Variants in R3HCC1L observed in about 807,000 individuals in gnomAD.
R3HCC1L encodes coiled-coil domain-containing protein R3HCC1L.
R3HCC1L carries 51 observed loss-of-function variants against 59.9 expected under a neutral mutation model. The observed-to-expected ratio is 0.85, with a 90% CI of 0.68 to 1.07. R3HCC1L has a LOEUF of 1.07. R3HCC1L is among the 50% of genes least tolerant of loss of function. The pLI, the probability that R3HCC1L is intolerant of heterozygous loss-of-function variation, is 0.00. For missense variants in R3HCC1L, 965 were observed against 933.0 expected (o/e 1.03, Z -0.45); for synonymous variants, 322 against 315.2 (o/e 1.02, Z -0.23).
At chr10:98,222,503 A>T (rs1242475119) in intron 5 of R3HCC1L, among the ~76,000 whole-genome samples, 1 of 151,896 alleles carries the variant, frequency 6.6e-6, no homozygotes, top group East Asian at 1.9e-4. Flanking sequence ...TCAGTATGAT[A>T]TTGGCTGTGG....
At chr10:98,221,039 T>C (rs1188902590) in intron 5 of R3HCC1L, among the ~76,000 whole-genome samples, 3 of 149,300 alleles carry the variant, frequency 2.0e-5, no homozygotes, top group African/African-American at 7.4e-5. Flanking sequence ...CTCCAGCACC[T>C]GTTGTTTCCT....
intron 5 of R3HCC1L, among the ~76,000 whole-genome samples, 172 bp downstream of exon 5, chr10:98,210,071 T>C (rs1853391094): frequency 6.6e-6 from 1 of 152,132 alleles, no homozygotes; most frequent in African/African-American, 2.4e-5. Context: ...AAATAAAATA[T>C]ACAGAATTGA....
intron 7 of R3HCC1L, among the ~76,000 whole-genome samples, chr10:98,235,196 A>G (rs948857352): frequency 4.6e-5 from 7 of 152,208 alleles, no homozygotes; most frequent in African/African-American, 1.7e-4. Context: ...TAATAAAATT[A>G]CTTTGTAAAT....
In R3HCC1L at chr10:98,235,416, T is replaced by C; in HGVS notation, c.2033-9T>C. ...CATGTCTTCTGCTTCCTTTTATTCC[T>C]CTTTGCAGCTCGTGATGCGTTGGGT... On this transcript the variant is annotated splice_polypyrimidine_tract_variant and intron_variant, in intron 7 of 9. Transcript: ENST00000298999. 6.2e-7 allele frequency: 1 copy of C among 1,611,224 alleles called. No individual in the cohort carries two copies. Among genetic ancestry groups the C allele is most frequent in the Non-Finnish European group, 8.5e-7 (1 of 1,177,692 alleles).
chr10:98,194,472 G>A (rs1477605920), intron 4 of R3HCC1L, among the ~76,000 whole-genome samples: 1 of 151,948 alleles, frequency 6.6e-6, no homozygotes, highest in Non-Finnish European at 1.5e-5. Flanking sequence ...AACTAAAAAT[G>A]TAAAAAACAT....
intron 4 of R3HCC1L, among the ~76,000 whole-genome samples, chr10:98,171,935 A>T (rs988342567): frequency 6.6e-6 from 1 of 152,204 alleles, no homozygotes; most frequent in African/African-American, 2.4e-5. Context: ...GCAGGCAAGG[A>T]TTAGTACTTA....
chr10:98,190,995 T>A (rs770580292), intron 4 of R3HCC1L, among the ~76,000 whole-genome samples: 4 of 152,146 alleles, frequency 2.6e-5, no homozygotes, highest in Non-Finnish European at 5.9e-5. Flanking sequence ...ATCCTTTTTT[T>A]CGGCTGCATA....
intron 9 of R3HCC1L, among the ~76,000 whole-genome samples, chr10:98,241,387 A>G (rs1035952227): frequency 6.6e-6 from 1 of 152,176 alleles, no homozygotes; most frequent in African/African-American, 2.4e-5. Flanking sequence ...TCTCTTATGT[A>G]AAGTCTTGAC....
Position 98,134,716 on chromosome 10 carries a change from AG to A in R3HCC1L, c.-268+11del, listed in dbSNP as rs1844354754. 1.3e-5 allele frequency: 2 copies of A among 152,396 alleles called. No homozygotes were observed. Among genetic ancestry groups the A allele is most frequent in the African/African-American group, 4.8e-5 (2 of 41,598 alleles). The allele number at this position is 152,396 out of a possible 1,614,324, so 9.4% of individuals were successfully genotyped here. On this transcript the variant is annotated intron_variant, in intron 1 of 9. Coordinates refer to ENST00000298999, the MANE Select transcript of R3HCC1L (RefSeq NM_001351015.2). ...GAGCAACAGCGCGCCGGTAACAACCAGCCCCGTATCCCCTCCCTCTGTACCT... is the reference window on the plus strand; with the variant it reads ...GAGCAACAGCGCGCCGGTAACAACCACCCCGTATCCCCTCCCTCTGTACCT...
At chr10:98,243,000 A>G (rs973004397) in intron 9 of R3HCC1L, among the ~76,000 whole-genome samples, 12 of 152,210 alleles carry the variant, frequency 7.9e-5, no homozygotes, top group Non-Finnish European at 1.0e-4. Context: ...CTTTGCTGCT[A>G]TATTCAGATA....
At chr10:98,156,764 G>A (rs1466622684) in intron 2 of R3HCC1L, among the ~76,000 whole-genome samples, 2 of 152,216 alleles carry the variant, frequency 1.3e-5, no homozygotes, top group African/African-American at 4.8e-5. Flanking sequence ...CTGACTTTCA[G>A]AAGTAAGGGG....
chr10:98,230,969 T>G (rs1293343828), intron 5 of R3HCC1L: 4 of 389,998 alleles, frequency 1.0e-5, no homozygotes, highest in Non-Finnish European at 2.0e-5. Context: ...TAACTACTTG[T>G]ACCACTTAAT....
chr10:98,206,464 T>C (rs1852676673), intron 4 of R3HCC1L, among the ~76,000 whole-genome samples: 1 of 152,162 alleles, frequency 6.6e-6, no homozygotes, highest in South Asian at 2.1e-4. Context: ...TTATTAGTTC[T>C]GTCATTTTTG....
At chr10:98,235,636 A>G (rs1856848290) in intron 8 of R3HCC1L, 116 bp downstream of exon 8, 9 of 817,384 alleles carry the variant, frequency 1.1e-5, no homozygotes, top group Non-Finnish European at 1.5e-5. Flanking sequence ...TAGTGTTAAA[A>G]GAAATATGTT....
chr10:98,188,957 ATG>A (rs1410171708), intron 4 of R3HCC1L, among the ~76,000 whole-genome samples: 1 of 152,196 alleles, frequency 6.6e-6, no homozygotes, highest in African/African-American at 2.4e-5. Flanking sequence ...ATCAAATGAA[ATG>A]TTACTATTTT....
chr10:98,204,975 G>C (rs950233496), intron 4 of R3HCC1L, among the ~76,000 whole-genome samples: 5 of 152,002 alleles, frequency 3.3e-5, no homozygotes, highest in African/African-American at 1.2e-4. Context: ...CTCCTTTTTT[G>C]TGTCTGTGAG....
chr10:98,226,348 A>G (rs1272894883), intron 5 of R3HCC1L, among the ~76,000 whole-genome samples: 4 of 152,236 alleles, frequency 2.6e-5, no homozygotes, highest in African/African-American at 9.6e-5. Context: ...TTAGGAATAC[A>G]TTTAACAAAA....
intron 1 of R3HCC1L, among the ~76,000 whole-genome samples, chr10:98,148,015 CTG>C (rs1693723034): frequency 6.6e-6 from 1 of 152,086 alleles, no homozygotes; most frequent in Admixed American, 6.5e-5. Context: ...GTCATTTTAA[CTG>C]TGTTACTCCC....
intron 4 of R3HCC1L, among the ~76,000 whole-genome samples, chr10:98,205,345 G>A (rs968795876): frequency 3.3e-5 from 5 of 152,000 alleles, no homozygotes; most frequent in African/African-American, 1.2e-4. Context: ...GAATGTTTAC[G>A]CTACAGAGAT....
Sources: allele counts gnomAD v4.1 joint callset (sites outside exome capture counted in the v4.1 genomes callset), GRCh38; gene constraint gnomAD v4.1.1; transcripts MANE v1.5; gene names NCBI Gene and HGNC (gene_info 2026-07-23, HGNC 2026-07-21).